The following TNKS variants were observed in gnomAD, a reference collection of about 807,000 sequenced individuals.
TNKS encodes tankyrase, also known as poly [ADP-ribose] polymerase tankyrase-1.
A neutral mutation model predicts 135.8 loss-of-function variants in TNKS; 72 were observed. The ratio of observed to expected loss-of-function variants is 0.53; its 90% CI spans 0.44 to 0.64. The LOEUF (loss-of-function observed/expected upper bound fraction) is 0.64. Among genes scored for constraint, TNKS ranks in the 30% least tolerant of loss-of-function variants. TNKS has a pLI of 0.00. For synonymous variants in TNKS, 849 were observed against 649.3 expected (o/e 1.31, Z -4.68); for missense variants, 1,769 against 1,674.0 (o/e 1.06, Z -0.99).
chr8:9,579,853 G>T (rs1428850234), intron 1 of TNKS, among the ~76,000 whole-genome samples: 1 of 152,214 alleles, frequency 6.6e-6, no homozygotes, highest in Non-Finnish European at 1.5e-5. Context: ...TGAGGGGAAA[G>T]TGAGTTCCTG....
rs184747509 is a variant in TNKS, at chr8:9,773,134, T to A, written c.3897+2872T>A. On this transcript the variant is annotated intron_variant, in intron 26 of 26. Transcript: ENST00000310430. Reference sequence around the variant, plus strand: ...AGAAAAGAAGCTTTTTTTTAACTTTTATTCAGTAATTATACTTCTTCTAGA... The same window carrying A: ...AGAAAAGAAGCTTTTTTTTAACTTTAATTCAGTAATTATACTTCTTCTAGA... Among the ~76,000 whole-genome samples, 675 of 152,012 alleles carry A rather than the reference T, an allele frequency of 4.4e-3. 4 individuals carry two copies. Among genetic ancestry groups the A allele is most frequent in the Middle Eastern group, 0.01 (3 of 292 alleles).
intron 12 of TNKS, among the ~76,000 whole-genome samples, chr8:9,725,829 A>G (rs964500378): frequency 6.6e-6 from 1 of 152,218 alleles, no homozygotes; most frequent in Non-Finnish European, 1.5e-5. Flanking sequence ...ATTTGGGTCA[A>G]TGTGAAATGA....
intron 5 of TNKS, among the ~76,000 whole-genome samples, chr8:9,700,873 T>C (rs1803766793): frequency 6.6e-6 from 1 of 152,088 alleles, no homozygotes; most frequent in Non-Finnish European, 1.5e-5. Flanking sequence ...GCATTGTAAA[T>C]CTTACAATTA....
At position 9,612,459 on chromosome 8, in the gene TNKS, C is replaced by T. The variant is rs1044031767; in HGVS notation, c.899-3123C>T. ...CAGACCACATTTATATAGCACTGCCCAGGGTCAGGGGTCAGCAAAATGGTC... is the reference window on the plus strand; with the variant it reads ...CAGACCACATTTATATAGCACTGCCTAGGGTCAGGGGTCAGCAAAATGGTC... On this transcript the variant is annotated intron_variant, in intron 2 of 26. Transcript: ENST00000310430. Among the ~76,000 whole-genome samples, 9 of 152,090 alleles carry T rather than the reference C, an allele frequency of 5.9e-5. No individual in the cohort carries two copies. In the South Asian group the frequency reaches 1.7e-3, roughly 28 times the overall value.
intron 1 of TNKS, among the ~76,000 whole-genome samples, chr8:9,573,530 A>T (rs1797837554): frequency 6.6e-6 from 1 of 152,156 alleles, no homozygotes; most frequent in African/African-American, 2.4e-5. Context: ...AACCTTAAAT[A>T]TGTAAGGAGG....
chr8:9,594,792 A>G (rs182270428), intron 2 of TNKS, among the ~76,000 whole-genome samples: 2 of 152,324 alleles, frequency 1.3e-5, no homozygotes, highest in East Asian at 3.9e-4. Flanking sequence ...TTCATTACAT[A>G]TATGTATAAA....
intron 17 of TNKS, among the ~76,000 whole-genome samples, chr8:9,745,025 T>C (rs999271615): frequency 1.3e-5 from 2 of 152,246 alleles, no homozygotes; most frequent in Non-Finnish European, 2.9e-5. Context: ...GATTATATTA[T>C]TCGGCCTGTA....
chr8:9,755,659 G>A (rs1785470067), intron 20 of TNKS, among the ~76,000 whole-genome samples: 1 of 152,080 alleles, frequency 6.6e-6, no homozygotes, highest in African/African-American at 2.4e-5. Context: ...TTGTATAGTC[G>A]GGGAGGAGTG....
intron 12 of TNKS, 137 bp from the exon 13 acceptor site, chr8:9,726,504 A>C: frequency 1.7e-6 from 1 of 595,504 alleles, no homozygotes; most frequent in South Asian, 3.2e-5. Context: ...TACAACATTT[A>C]GTAAAACCAA....
chr8:9,609,661 G>T (rs5002815), intron 2 of TNKS, among the ~76,000 whole-genome samples: 17,342 of 152,064 alleles, frequency 0.11, 1,156 homozygotes, highest in African/African-American at 0.19. Flanking sequence ...TGTCTTGTTA[G>T]CTCATAGATG....
chr8:9,767,739 C>G lies in TNKS; in HGVS notation c.3740+1314C>G, dbSNP rs992083916. ...CTTTGGGAGGCCGAGGCGGGCAGAT[C>G]ATGCCGTCAGGAGATTGAGACCATC... On this transcript the variant is annotated intron_variant, in intron 25 of 26. Transcript: ENST00000310430. Among the ~76,000 whole-genome samples, 5 of 152,012 alleles carry G rather than the reference C, an allele frequency of 3.3e-5. No homozygotes were observed. In the East Asian group the frequency reaches 9.7e-4, roughly 29 times the overall value.
intron 11 of TNKS, among the ~76,000 whole-genome samples, chr8:9,717,101 A>ATATATATATATATATATATTTTTTTTT (rs1454492300): frequency 8.4e-6 from 1 of 119,336 alleles, no homozygotes; most frequent in African/African-American, 2.9e-5. Context: ...ATATATATAT[A>ATATATATATATATATATATTTTTTTTT]TTTTCAGGGA....
chr8:9,712,311 C>G (rs1181910185), intron 11 of TNKS, among the ~76,000 whole-genome samples: 5 of 152,108 alleles, frequency 3.3e-5, no homozygotes, highest in South Asian at 2.1e-4. Flanking sequence ...AAGACACTAT[C>G]TCTACAAAAA....
chr8:9,574,582 C>T (rs1212974831), intron 1 of TNKS, among the ~76,000 whole-genome samples: 1 of 152,136 alleles, frequency 6.6e-6, no homozygotes, highest in Non-Finnish European at 1.5e-5. Context: ...AATGGTTTCC[C>T]ACATACTTAC....
At chr8:9,720,245 A>G in intron 11 of TNKS, 129 bp from the exon 12 acceptor site, 2 of 845,662 alleles carry the variant, frequency 2.4e-6, no homozygotes, top group South Asian at 2.6e-5. Context: ...AAAGTTTATA[A>G]TCAATATCTA....
In TNKS at chr8:9,556,134, G is replaced by A. The variant is rs746705928; in HGVS notation, c.195G>A (p.Leu65=). The change falls in exon 1 of 27, where the codon CTG becomes CTA. Residue 65 remains leucine (L), a synonymous_variant. Transcript: ENST00000310430. ...CCTCCCCGCGGCACGGCCTAGCGCTGCCGGAGGGGGATGGCAGTCGGGATC... is the reference window on the plus strand; with the variant it reads ...CCTCCCCGCGGCACGGCCTAGCGCTACCGGAGGGGGATGGCAGTCGGGATC... ...PFASPRHGLA[L]PEGDGSRDPP... The A allele has an allele frequency of 1.6e-5, 25 of 1,606,336 alleles. 1 individual carries two copies. In the Middle Eastern group the frequency reaches 8.3e-4, roughly 53 times the overall value.
chr8:9,586,126 A>G (rs1346160547), intron 2 of TNKS, among the ~76,000 whole-genome samples: 2 of 152,292 alleles, frequency 1.3e-5, no homozygotes, highest in East Asian at 1.9e-4. Context: ...TCGTGAAATA[A>G]CATGATTAGA....
At chr8:9,712,386 A>C (rs1215823001) in intron 11 of TNKS, among the ~76,000 whole-genome samples, 1 of 151,520 alleles carries the variant, frequency 6.6e-6, no homozygotes, top group African/African-American at 2.4e-5. Flanking sequence ...AGGCTGAGGC[A>C]GGAAGATCAC....
chr8:9,706,995 C>G lies in TNKS; in HGVS notation c.1454C>G (p.Thr485Ser). 1.3e-6 allele frequency: 2 copies of G among 1,578,096 alleles called. No homozygotes were observed. The highest frequency in any genetic ancestry group is 2.3e-5 in the South Asian group (2 of 86,098). The change falls in exon 8 of 27, where the codon ACT becomes AGT. Residue 485 changes from threonine (T) to serine (S), a missense_variant and splice_region_variant. Thr to Ser is a moderately conservative substitution (Grantham distance 58). Coordinates refer to ENST00000310430, the MANE Select transcript of TNKS (RefSeq NM_003747.3). ...APTPELRERL[T>S]YEFKGHSLLQ... ...ACTCCGGAGCTTAGGGAGAGATTGACTTGTACGTATTTATATCCCGAAATC... is the reference window on the plus strand; with the variant it reads ...ACTCCGGAGCTTAGGGAGAGATTGAGTTGTACGTATTTATATCCCGAAATC...
Sources: gnomAD v4.1 joint callset for allele counts (sites outside exome capture counted in the v4.1 genomes callset) on GRCh38, gnomAD v4.1.1 for gene constraint, MANE v1.5 for transcripts, NCBI Gene and HGNC (gene_info 2026-07-23, HGNC 2026-07-21) for gene names.